The following GRM5 variants were observed in gnomAD, a reference collection of about 807,000 sequenced individuals.
GRM5 encodes the protein glutamate metabotropic receptor 5.
GRM5 carries 19 observed loss-of-function variants against 83.1 expected under a neutral mutation model. That is an observed-to-expected ratio of 0.23 (90% CI 0.16 to 0.34). GRM5 has a LOEUF of 0.34. GRM5 is among the 10% of genes least tolerant of loss of function. The pLI is 1.00. For missense variants in GRM5, 1,160 were observed against 1,588.3 expected, an observed-to-expected ratio of 0.73 and a Z score of 4.58; for synonymous variants, 675 against 633.6, an observed-to-expected ratio of 1.07 and a Z score of -0.98.
chr11:88,735,423 T>C (rs892122922), intron 3 of GRM5, among the ~76,000 whole-genome samples: 1 of 152,114 alleles, frequency 6.6e-6, no homozygotes, highest in Admixed American at 6.6e-5. Flanking sequence ...AAACTTTGTT[T>C]GTCCCTGTTG....
intron 2 of GRM5, among the ~76,000 whole-genome samples, chr11:88,928,494 A>ATGTATGTATG (rs573997429): frequency 3.2e-4 from 32 of 98,820 alleles, no homozygotes; most frequent in African/African-American, 9.1e-4. Flanking sequence ...GTATATATGT[A>ATGTATGTATG]TATATATATA....
intron 2 of GRM5, among the ~76,000 whole-genome samples, chr11:88,947,570 T>C (rs586080): frequency 7.9e-5 from 12 of 152,120 alleles, no homozygotes; most frequent in Non-Finnish European, 1.3e-4. Context: ...CTCTAATCTT[T>C]GCCTGGTGAA....
At chr11:88,798,488 A>G (rs1943324687) in intron 3 of GRM5, among the ~76,000 whole-genome samples, 1 of 152,170 alleles carries the variant, frequency 6.6e-6, no homozygotes, top group Non-Finnish European at 1.5e-5. Context: ...GGCTTATTTT[A>G]AGAAAAGGTC....
chr11:88,609,799 T>A (rs1038630048), intron 4 of GRM5, among the ~76,000 whole-genome samples: 3 of 152,204 alleles, frequency 2.0e-5, no homozygotes, highest in Admixed American at 1.3e-4. Flanking sequence ...AGTCATAAAT[T>A]CTTTGCTAAG....
At chr11:88,791,461 T>C (rs1454061937) in intron 3 of GRM5, among the ~76,000 whole-genome samples, 2 of 152,174 alleles carry the variant, frequency 1.3e-5, no homozygotes, top group African/African-American at 4.8e-5. Context: ...ACTGCTAATG[T>C]TGAACTGATA....
chr11:88,974,827 G>C (rs1250228273), intron 2 of GRM5, among the ~76,000 whole-genome samples: 1 of 152,066 alleles, frequency 6.6e-6, no homozygotes, highest in Admixed American at 6.5e-5. Flanking sequence ...TAAGTAAGTA[G>C]GAACATACTA....
intron 2 of GRM5, among the ~76,000 whole-genome samples, chr11:89,015,415 C>A (rs1256451314): frequency 1.3e-5 from 2 of 152,178 alleles, no homozygotes; most frequent in Non-Finnish European, 2.9e-5. Context: ...CTTCTTCCTG[C>A]CACTCAAGTG....
At chr11:88,994,122 AAATAG>A (rs1940090599) in intron 2 of GRM5, among the ~76,000 whole-genome samples, 1 of 152,078 alleles carries the variant, frequency 6.6e-6, no homozygotes, top group South Asian at 2.1e-4. Flanking sequence ...ATCTTATTTA[AAATAG>A]AATAAACTAT....
rs1320092222 is a variant in GRM5, at chr11:88,508,934, G to T, written c.3297C>A (p.Ile1099=). 2.5e-6 allele frequency: 4 copies of T among 1,599,470 alleles called. No individual in the cohort carries two copies. The highest frequency in any genetic ancestry group is 3.4e-6 in the Non-Finnish European group (4 of 1,173,448). ...VGAPLCSSYL[I]PKEIQLPTTM... is the part of the protein sequence containing the mutation. ...TCGTGGGCAACTGGATCTCTTTGGG[G>T]ATCAGGTAGGACGAGCAGAGCGGGG... The change falls in exon 10 of 10, where the codon ATC becomes ATA. Residue 1099 remains isoleucine, a synonymous_variant. Transcript: ENST00000305447. This position sits in a 1 kb window ranked among gnomAD's most constrained non-coding sequence, Gnocchi z 4.2.
intron 2 of GRM5, among the ~76,000 whole-genome samples, chr11:88,922,277 G>A (rs1486232346): frequency 5.9e-5 from 9 of 152,126 alleles, no homozygotes; most frequent in Non-Finnish European, 1.0e-4. Context: ...AACAGCCAAC[G>A]CTATCCTGAG....
At chr11:88,905,429 T>C (rs903245337) in intron 2 of GRM5, among the ~76,000 whole-genome samples, 1 of 152,128 alleles carries the variant, frequency 6.6e-6, no homozygotes, top group African/African-American at 2.4e-5. Flanking sequence ...CTGCAGCCTC[T>C]GCCTCCCGGG....
chr11:88,803,818 T>C (rs1204995590), intron 3 of GRM5, among the ~76,000 whole-genome samples: 1 of 152,008 alleles, frequency 6.6e-6, no homozygotes, highest in Non-Finnish European at 1.5e-5. Flanking sequence ...GAAGCTACAA[T>C]GAACTCAAAC....
chr11:88,686,414 T>C lies in GRM5; in HGVS notation c.912-33011A>G, dbSNP rs951237338. The stretch of plus-strand genomic sequence containing the variant: ...ATAGGTGGAAGGGACTTGCCTTATC[T>C]CAGATGAGGCTTTGAACTGTGGACT... On this transcript the variant is annotated intron_variant, in intron 3 of 9. Transcript: ENST00000305447. 7.7e-4 allele frequency among the ~76,000 whole-genome samples: 117 copies of C among 152,172 alleles called. 2 individuals are homozygous for C. The highest frequency in any genetic ancestry group is 7.2e-4 in the Admixed American group (11 of 15,282).
chr11:88,520,671 T>C (rs1354676996), intron 9 of GRM5, among the ~76,000 whole-genome samples: 1 of 152,154 alleles, frequency 6.6e-6, no homozygotes, highest in Non-Finnish European at 1.5e-5. Flanking sequence ...GAGTCCTTGG[T>C]TCATAATAGG....
chr11:89,036,035 G>A (rs1375216294), intron 2 of GRM5, among the ~76,000 whole-genome samples: 2 of 151,922 alleles, frequency 1.3e-5, no homozygotes, highest in African/African-American at 4.8e-5. Flanking sequence ...TATAAAATTT[G>A]CTTATGCTTG....
intron 1 of GRM5, among the ~76,000 whole-genome samples, chr11:89,060,523 G>A (rs924599640): frequency 2.0e-5 from 3 of 151,952 alleles, no homozygotes; most frequent in African/African-American, 7.2e-5. Context: ...TTGTATTGTT[G>A]ATATGATAAT....
chr11:88,958,839 T>C (rs1938700328), intron 2 of GRM5, among the ~76,000 whole-genome samples: 1 of 152,210 alleles, frequency 6.6e-6, no homozygotes, highest in Admixed American at 6.5e-5. Flanking sequence ...ATATTTTTAT[T>C]GAAAATTGTA....
chr11:88,591,437 TGAAA>T (rs1349959450), intron 6 of GRM5, among the ~76,000 whole-genome samples: 1 of 152,218 alleles, frequency 6.6e-6, no homozygotes, highest in Non-Finnish European at 1.5e-5. Flanking sequence ...ATTTAACAGT[TGAAA>T]GAGTCACAGA....
chr11:88,803,090 C>G (rs1340935504), intron 3 of GRM5, among the ~76,000 whole-genome samples: 2 of 144,334 alleles, frequency 1.4e-5, no homozygotes, highest in South Asian at 2.4e-4. Flanking sequence ...GAATCAATAT[C>G]ATGAAAATGG....
Sources: gnomAD v4.1 joint callset for allele counts (sites outside exome capture counted in the v4.1 genomes callset) on GRCh38, gnomAD v4.1.1 for gene constraint, Gnocchi (gnomAD v3.1) non-coding constraint, MANE v1.5 for transcripts, NCBI Gene and HGNC (gene_info 2026-07-23, HGNC 2026-07-21) for gene names.